Variants in MTBP observed in about 807,000 individuals in gnomAD.
MTBP encodes the protein MDM2 binding protein.
Under a neutral mutation model 117.0 loss-of-function variants are expected in MTBP, and 101 were observed. The ratio of observed to expected loss-of-function variants is 0.86; its 90% confidence interval spans 0.73 to 1.02. The LOEUF (loss-of-function observed/expected upper bound fraction) is 1.02. MTBP is among the 50% of genes least tolerant of loss of function. The probability of loss-of-function intolerance (pLI) is 0.00; values close to 1 mark genes in which losing one functional copy is unlikely to be tolerated. For synonymous variants in MTBP, 350 were observed against 351.5 expected (o/e 1.00, Z 0.05); for missense variants, 970 against 1,030.9 (o/e 0.94, Z 0.81).
intron 10 of MTBP, 87 bp downstream of exon 10, chr8:120,463,848 TA>T: frequency 8.0e-7 from 1 of 1,248,784 alleles, no homozygotes; most frequent in Middle Eastern, 1.9e-4. Context: ...TGTAACTTAT[TA>T]ATCTGTTTGC....
At chr8:120,490,281 C>T (rs554640158) in intron 12 of MTBP, among the ~76,000 whole-genome samples, 182 bp from the exon 13 acceptor site, 1 of 152,198 alleles carries the variant, frequency 6.6e-6, no homozygotes, top group Admixed American at 6.5e-5. Context: ...ATTGAGTATG[C>T]TTATTTTCTG....
intron 11 of MTBP, among the ~76,000 whole-genome samples, chr8:120,478,258 TG>T (rs1423851297): frequency 8.6e-5 from 13 of 151,850 alleles, no homozygotes; most frequent in African/African-American, 2.9e-4. Flanking sequence ...TGTCAGGGTA[TG>T]GGGGGCTAGG....
chr8:120,446,548 G>A (rs2130498700), intron 2 of MTBP, 35 bp downstream of exon 2: 2 of 1,209,422 alleles, frequency 1.7e-6, no homozygotes, highest in African/African-American at 1.5e-5. Context: ...CTCTGGCACA[G>A]CATTTGTACT....
rs1813625745 is a variant in MTBP, at chr8:120,463,623, GA to G, written c.978-66del. On this transcript the variant is annotated intron_variant, in intron 9 of 21. Coordinates refer to ENST00000305949, the MANE Select transcript of MTBP (RefSeq NM_022045.5). ...GCAACTGTGGAAGAATTGAAATAAT[GA>G]AACTTATTTTAAGGAGTACATTGTT... The G allele has an allele frequency of 3.2e-6, 4 of 1,246,000 alleles. No individual in the cohort carries two copies. The South Asian group carries it at 7.1e-5, about 22-fold the overall frequency. The allele number at this position is 1,246,000 out of a possible 1,614,324, so 77.2% of individuals were successfully genotyped here. A position where few individuals can be genotyped will look rare whatever the true frequency, so the allele number is the denominator to read the frequency against.
chr8:120,497,701 T>A, intron 14 of MTBP, 147 bp downstream of exon 14: 1 of 557,984 alleles, frequency 1.8e-6, no homozygotes, highest in Non-Finnish European at 3.1e-6. Flanking sequence ...TACAAGTATG[T>A]ATGTATATGT....
chr8:120,464,794 T>C (rs1247975325), intron 10 of MTBP, among the ~76,000 whole-genome samples: 4 of 152,100 alleles, frequency 2.6e-5, no homozygotes, highest in Non-Finnish European at 5.9e-5. Flanking sequence ...TACTAAATTT[T>C]GAAATTTTAA....
intron 10 of MTBP, among the ~76,000 whole-genome samples, chr8:120,464,408 A>G (rs1199200629): frequency 1.3e-5 from 2 of 151,636 alleles, no homozygotes; most frequent in East Asian, 3.8e-4. Flanking sequence ...TTCAACTGTT[A>G]TGTTTCTGTG....
At chr8:120,496,918 C>T (rs1399247044) in intron 13 of MTBP, among the ~76,000 whole-genome samples, 1 of 152,168 alleles carries the variant, frequency 6.6e-6, no homozygotes, top group African/African-American at 2.4e-5. Context: ...TCCGTTACCA[C>T]TCGGTCATTT....
At chr8:120,456,714 T>G in intron 7 of MTBP, 44 bp downstream of exon 7, 1 of 916,204 alleles carries the variant, frequency 1.1e-6, no homozygotes, top group Non-Finnish European at 1.8e-6. Context: ...CTTTCAATTT[T>G]ATTTACAACA....
chr8:120,466,234 C>T (rs1267182302), intron 10 of MTBP, among the ~76,000 whole-genome samples: 5 of 123,620 alleles, frequency 4.0e-5, no homozygotes, highest in Admixed American at 2.7e-4. Context: ...TTTTTTTAGA[C>T]GGAGTCTCGC....
At chr8:120,466,839 A>G (rs10110599) in intron 10 of MTBP, among the ~76,000 whole-genome samples, 81,434 of 152,026 alleles carry the variant, frequency 0.54, 24,810 homozygotes, top group Non-Finnish European at 0.67. Context: ...ACGCCACTGT[A>G]CTCGAGCCTG....
At chr8:120,513,149 T>A (rs1814847390) in intron 17 of MTBP, among the ~76,000 whole-genome samples, 1 of 152,050 alleles carries the variant, frequency 6.6e-6, no homozygotes, top group Non-Finnish European at 1.5e-5. Context: ...AACAGCTAAT[T>A]AAACTCTGCT....
intron 9 of MTBP, among the ~76,000 whole-genome samples, chr8:120,462,866 C>T (rs914489614): frequency 6.6e-6 from 1 of 152,082 alleles, no homozygotes; most frequent in Non-Finnish European, 1.5e-5. Flanking sequence ...ATTGGGTTTC[C>T]ATATAAAATG....
chr8:120,459,276 G>A lies in MTBP; in HGVS notation c.809G>A (p.Ser270Asn). The A allele has an allele frequency of 1.9e-6, 3 of 1,610,838 alleles. No individual in the cohort carries two copies. Among genetic ancestry groups the A allele is most frequent in the Middle Eastern group, 1.7e-4 (1 of 6,034 alleles). ...CLKGVTLKNFSTSNLNTDFLA... is the reference protein window; with the variant it reads ...CLKGVTLKNFNTSNLNTDFLA... ...AAGGGAGTCACACTTAAGAATTTTA[G>A]TACTTCTAATTTAAATACTGACTTC... is the stretch of plus-strand genomic sequence containing the variant. Residue 270 changes from serine to asparagine, a missense_variant, in exon 8 of 22, where the codon AGT (serine) becomes AAT (asparagine). Transcript: ENST00000305949.
At chr8:120,520,485 T>C (rs1200642620) in intron 20 of MTBP, among the ~76,000 whole-genome samples, 1 of 152,158 alleles carries the variant, frequency 6.6e-6, no homozygotes, top group Non-Finnish European at 1.5e-5. Flanking sequence ...TCTCCTTTGT[T>C]CTCAAAGTTT....
chr8:120,459,410 G>C, intron 8 of MTBP, 61 bp downstream of exon 8: 1 of 1,497,826 alleles, frequency 6.7e-7, no homozygotes, highest in Non-Finnish European at 9.0e-7. Flanking sequence ...TATAAAATAT[G>C]TTTGAATCTT....
At chr8:120,479,056 A>G (rs1237041311) in intron 11 of MTBP, among the ~76,000 whole-genome samples, 2 of 152,244 alleles carry the variant, frequency 1.3e-5, no homozygotes, top group African/African-American at 4.8e-5. Flanking sequence ...TATCACAGAA[A>G]CAGAAAATCA....
intron 11 of MTBP, among the ~76,000 whole-genome samples, chr8:120,483,861 T>C (rs1814151947): frequency 6.6e-6 from 1 of 152,232 alleles, no homozygotes; most frequent in East Asian, 1.9e-4. Context: ...TTTTTAGTAA[T>C]CATTTTCCCT....
intron 18 of MTBP, among the ~76,000 whole-genome samples, chr8:120,516,558 A>G (rs886737022): frequency 1.3e-4 from 19 of 151,990 alleles, no homozygotes; most frequent in African/African-American, 1.7e-4. Context: ...TCCTGCCTGC[A>G]TTGTTCCCTT....
Sources: allele counts gnomAD v4.1 joint callset (sites outside exome capture counted in the v4.1 genomes callset), GRCh38; gene constraint gnomAD v4.1.1; transcripts MANE v1.5; gene names NCBI Gene and HGNC (gene_info 2026-07-23, HGNC 2026-07-21).